Variants in TUBB6 observed in about 807,000 individuals in gnomAD.
The protein encoded by TUBB6 is tubulin beta-6 chain.
TUBB6 carries 18 observed loss-of-function variants against 32.3 expected under a neutral mutation model. The observed-to-expected ratio is 0.56, with a 90% CI of 0.39 to 0.83. The LOEUF (loss-of-function observed/expected upper bound fraction) is 0.83. Ranked by LOEUF, TUBB6 falls within the 40% of genes least tolerant of loss-of-function variation. TUBB6 has a pLI of 0.00. For missense variants in TUBB6, 480 were observed against 632.0 expected (o/e 0.76, Z 2.58); for synonymous variants, 280 against 265.8 (o/e 1.05, Z -0.52).
intron 3 of TUBB6, among the ~76,000 whole-genome samples, chr18:12,314,294 C>G (rs1318517794): frequency 6.6e-6 from 1 of 151,982 alleles, no homozygotes; most frequent in East Asian, 1.9e-4. Context: ...AAGAAATGGC[C>G]CTATCTCCCC....
At chr18:12,310,351 C>A (rs946168929) in intron 2 of TUBB6, among the ~76,000 whole-genome samples, 1 of 151,870 alleles carries the variant, frequency 6.6e-6, no homozygotes, top group Non-Finnish European at 1.5e-5. Context: ...ATTAGCCGGG[C>A]GTGGTGGTGG....
chr18:12,310,467 G>A (rs1221056242), intron 2 of TUBB6, among the ~76,000 whole-genome samples: 1 of 147,560 alleles, frequency 6.8e-6, no homozygotes, highest in East Asian at 2.0e-4. Flanking sequence ...TTCCAGCCTG[G>A]GCAACAGAGC....
intron 3 of TUBB6, 189 bp downstream of exon 3, chr18:12,311,242 T>C: frequency 2.1e-6 from 1 of 483,542 alleles, no homozygotes; most frequent in Non-Finnish European, 3.7e-6. Flanking sequence ...CTTGACTTTT[T>C]TGGTGGGAAG....
chr18:12,324,747 G>A (rs1480728428), intron 3 of TUBB6: 12 of 1,254,756 alleles, frequency 9.6e-6, no homozygotes, highest in East Asian at 5.9e-5. Flanking sequence ...CACGGCGCCC[G>A]GCCAGTAACT....
chr18:12,321,771 A>T (rs1907002079), intron 3 of TUBB6, among the ~76,000 whole-genome samples: 1 of 152,240 alleles, frequency 6.6e-6, no homozygotes, highest in Non-Finnish European at 1.5e-5. Context: ...CATGAAAATA[A>T]ATATTTAAAA....
chr18:12,322,391 G>A (rs1210570445), intron 3 of TUBB6, among the ~76,000 whole-genome samples: 1 of 146,174 alleles, frequency 6.8e-6, no homozygotes, highest in Non-Finnish European at 1.5e-5. Context: ...GTCTTGCTCT[G>A]TCACCCAGGC....
chr18:12,325,688 T>G lies in TUBB6; in HGVS notation c.899T>G (p.Met300Arg), dbSNP rs747220410. 4 of 1,613,950 alleles carry G rather than the reference T, an allele frequency of 2.5e-6. No individual in the cohort carries two copies. Among genetic ancestry groups the G allele is most frequent in the Non-Finnish European group, 3.4e-6 (4 of 1,180,000 alleles). Reference sequence around the variant, plus strand: ...CAGATGTTCGACGCCAGGAACATGATGGCCGCCTGCGATCCGCGCCATGGC... The same window carrying G: ...CAGATGTTCGACGCCAGGAACATGAGGGCCGCCTGCGATCCGCGCCATGGC... ...TQQMFDARNMMAACDPRHGRY... is the reference protein window; with the variant it reads ...TQQMFDARNMRAACDPRHGRY... The change falls in exon 4 of 4, where the codon ATG (methionine) becomes AGG (arginine). Residue 300 changes from methionine (M) to arginine (R), a missense_variant. Physicochemically the swap from Met to Arg is moderately conservative, Grantham distance 91. Transcript: ENST00000317702.
chr18:12,319,038 T>A (rs1353556495), intron 3 of TUBB6, among the ~76,000 whole-genome samples: 6 of 152,168 alleles, frequency 3.9e-5, no homozygotes, highest in African/African-American at 1.4e-4. Context: ...AAAGCTGTCA[T>A]CCCTTCTACT....
At chr18:12,308,577 G>T in intron 1 of TUBB6, 110 bp from the exon 2 acceptor site, 1 of 870,932 alleles carries the variant, frequency 1.1e-6, no homozygotes, top group Non-Finnish European at 1.8e-6. Flanking sequence ...GCTGCCGGCG[G>T]CTCAGGCGCG....
chr18:12,312,288 A>C (rs1021975669), intron 3 of TUBB6, among the ~76,000 whole-genome samples: 1 of 151,060 alleles, frequency 6.6e-6, no homozygotes, highest in Admixed American at 6.6e-5. Flanking sequence ...AATACTTAGA[A>C]TATCAAATGT....
chr18:12,325,337 A>C lies in TUBB6; in HGVS notation c.548A>C (p.Tyr183Ser), dbSNP rs1446226088. 3 of 1,614,140 alleles carry C rather than the reference A, an allele frequency of 1.9e-6. No individual in the cohort carries two copies. Among genetic ancestry groups the C allele is most frequent in the Admixed American group, 3.3e-5 (2 of 60,012 alleles). ...PKVSDTVVEP[Y>S]NATLSVHQLV... ...GTGTCGGACACGGTGGTGGAGCCCT[A>C]CAATGCCACACTGTCGGTGCACCAG... Residue 183 changes from tyrosine to serine, a missense_variant, in exon 4 of 4, where the codon TAC becomes TCC. By Grantham distance (144) the Tyr-to-Ser change is moderately radical. Coordinates refer to ENST00000317702, the MANE Select transcript of TUBB6 (RefSeq NM_032525.3).
In TUBB6 at chr18:12,325,293, C is replaced by T. The variant is rs777054234; in HGVS notation, c.504C>T (p.Ser168=). ...EFPDRIMNTF[S]VMPSPKVSDT... ...CGGACCGCATCATGAACACCTTCAG[C>T]GTCATGCCCTCGCCCAAGGTGTCGG... The change falls in exon 4 of 4, where the codon AGC becomes AGT. Residue 168 remains serine, a synonymous_variant. Coordinates refer to ENST00000317702, the MANE Select transcript of TUBB6 (RefSeq NM_032525.3). The T allele has an allele frequency of 2.5e-6, 4 of 1,614,106 alleles. No homozygotes were observed. In the East Asian group the frequency reaches 6.7e-5, roughly 27 times the overall value.
chr18:12,327,106 C>T (rs1907364915), downstream of TUBB6, among the ~76,000 whole-genome samples: 1 of 152,242 alleles, frequency 6.6e-6, no homozygotes, highest in African/African-American at 2.4e-5. Flanking sequence ...TTTTGCTTTA[C>T]TTCTTCCTGC....
chr18:12,328,696 G>A (rs1907413708), downstream of TUBB6, among the ~76,000 whole-genome samples: 1 of 152,184 alleles, frequency 6.6e-6, no homozygotes, highest in Admixed American at 6.5e-5. Flanking sequence ...GCCTCTTGAG[G>A]ACCTGCACTG....
chr18:12,326,232 TG>T lies in TUBB6; in HGVS notation c.*103del. The T allele has an allele frequency of 2.1e-6, 3 of 1,454,142 alleles. No individual in the cohort carries two copies. The highest frequency in any genetic ancestry group is 2.7e-6 in the Non-Finnish European group (3 of 1,100,078). The allele number at this position is 1,454,142 out of a possible 1,614,324, so 90.1% of individuals were successfully genotyped here. The stretch of plus-strand genomic sequence containing the variant: ...GCCCTGAATGGTGCACTGGTTTAAT[TG>T]TGTTGGTGTCGGCCCCTCACAAATG... On this transcript the variant is annotated 3_prime_UTR_variant, in exon 4 of 4. Coordinates refer to ENST00000317702, the MANE Select transcript of TUBB6 (RefSeq NM_032525.3).
downstream of TUBB6, chr18:12,329,653 T>A (rs1432314136): frequency 1.2e-6 from 2 of 1,614,166 alleles, no homozygotes; most frequent in Non-Finnish European, 1.7e-6. Flanking sequence ...AAGTGAGGTG[T>A]CCTCATCCAA....
chr18:12,327,196 G>A (rs1365575839), downstream of TUBB6, among the ~76,000 whole-genome samples: 1 of 152,194 alleles, frequency 6.6e-6, no homozygotes, highest in Non-Finnish European at 1.5e-5. Context: ...GAAGCGTCAT[G>A]TGCCAGTGCC....
intron 1 of TUBB6, 135 bp downstream of exon 1, chr18:12,308,484 G>C (rs1169128551): frequency 1.2e-6 from 1 of 814,066 alleles, no homozygotes; most frequent in Non-Finnish European, 1.7e-6. Context: ...GACCCGCGAG[G>C]GCCGCAGGGA....
intron 3 of TUBB6, among the ~76,000 whole-genome samples, chr18:12,322,061 G>C (rs1020692952): frequency 2.0e-5 from 3 of 152,154 alleles, no homozygotes; most frequent in Non-Finnish European, 4.4e-5. Flanking sequence ...AGCACTTTGG[G>C]AGGCCGAGGT....
Sources: allele counts gnomAD v4.1 joint callset (sites outside exome capture counted in the v4.1 genomes callset), GRCh38; gene constraint gnomAD v4.1.1; transcripts MANE v1.5; gene names NCBI Gene and HGNC (gene_info 2026-07-23, HGNC 2026-07-21).